The following ZNF283 variants were observed in gnomAD, a reference collection of about 807,000 sequenced individuals.
ZNF283 encodes zinc finger protein 283.
In ZNF283, 10 loss-of-function variants were observed where a neutral mutation model predicts 9.2. The observed-to-expected ratio is 1.09, with a 90% CI of 0.67 to 1.85. ZNF283 has a LOEUF of 1.85. Among genes scored for constraint, ZNF283 ranks in the 40% most tolerant of loss-of-function variants. The pLI is 0.00. For synonymous variants in ZNF283, 234 were observed against 244.1 expected, an observed-to-expected ratio of 0.96 and a Z score of 0.38; for missense variants, 631 against 760.1, an observed-to-expected ratio of 0.83 and a Z score of 2.00.
intron 5 of ZNF283, among the ~76,000 whole-genome samples, chr19:43,835,997 C>G (rs1023805356): frequency 6.6e-6 from 1 of 152,172 alleles, no homozygotes; most frequent in South Asian, 2.1e-4. Context: ...TATCAGTACT[C>G]TCTAACTCAG....
At position 43,848,392 on chromosome 19, in the gene ZNF283, G is replaced by T; in HGVS notation, c.1791G>T (p.Lys597Asn). Residue 597 changes from lysine (K) to asparagine (N), a missense_variant, in exon 7 of 7, where the codon AAG becomes AAT. By Grantham distance (94) the Lys-to-Asn change is moderately conservative. Coordinates refer to ENST00000618787, the MANE Select transcript of ZNF283 (RefSeq NM_181845.2). ...VKHERVHTNEKSYECKDCGKA... is the reference protein window; with the variant it reads ...VKHERVHTNENSYECKDCGKA... The stretch of plus-strand genomic sequence containing the variant: ...ATGAGAGAGTCCATACTAATGAGAA[G>T]TCTTATGAATGTAAAGACTGTGGGA... The T allele has an allele frequency of 6.2e-7, 1 of 1,613,542 alleles. No individual in the cohort carries two copies. The highest frequency in any genetic ancestry group is 8.5e-7 in the Non-Finnish European group (1 of 1,179,790).
chr19:43,845,723 T>G (rs188975705), intron 6 of ZNF283, among the ~76,000 whole-genome samples: 65 of 152,246 alleles, frequency 4.3e-4, no homozygotes, highest in Admixed American at 3.2e-3. Flanking sequence ...GTGGACAGTT[T>G]ACTCCAAGAT....
chr19:43,840,266 A>G (rs2356432), intron 6 of ZNF283, among the ~76,000 whole-genome samples: 61,544 of 151,986 alleles, frequency 0.4, 12,893 homozygotes, highest in South Asian at 0.55. Flanking sequence ...AAATCTTCCA[A>G]TAGATACTTC....
chr19:43,841,456 A>G (rs1328570936), intron 6 of ZNF283: 1 of 130,162 alleles, frequency 7.7e-6, no homozygotes, highest in Non-Finnish European at 1.6e-5. Context: ...TTTTTTTGAG[A>G]CAGTCTCACT....
intron 4 of ZNF283, among the ~76,000 whole-genome samples, chr19:43,834,741 G>A (rs1236671579): frequency 3.3e-5 from 5 of 151,884 alleles, no homozygotes; most frequent in South Asian, 2.1e-4. Context: ...GACTACAGGC[G>A]CCTGCCACCA....
intron 6 of ZNF283, 73 bp downstream of exon 6, chr19:43,837,252 G>C (rs1393468493): frequency 7.0e-7 from 1 of 1,426,326 alleles, no homozygotes; most frequent in Non-Finnish European, 9.4e-7. Flanking sequence ...GAAATTACAG[G>C]GCTATCTTTG....
At position 43,849,138 on chromosome 19, in the gene ZNF283, A is replaced by G. The variant is rs939179007; in HGVS notation, c.*497A>G. On this transcript the variant is annotated 3_prime_UTR_variant, in exon 7 of 7. Coordinates refer to ENST00000618787, the MANE Select transcript of ZNF283 (RefSeq NM_181845.2). ...AGAGAATTCATCCAAATGAGAAATC[A>G]TTTGAATTAGAATTATAGGAAGGCC... The G allele has an allele frequency of 5.9e-5, 9 of 152,566 alleles. No homozygotes were observed. The highest frequency in any genetic ancestry group is 2.2e-4 in the African/African-American group (9 of 41,582). 9.5% of individuals were successfully genotyped at this position (152,566 alleles called of 1,614,324 possible). A position where few individuals can be genotyped will look rare whatever the true frequency, so the allele number is the denominator to read the frequency against.
At chr19:43,834,551 T>C (rs139938114) in intron 4 of ZNF283, among the ~76,000 whole-genome samples, 1,611 of 151,164 alleles carry the variant, frequency 0.011, 15 homozygotes, top group Non-Finnish European at 0.016. Flanking sequence ...AGATAAATGT[T>C]ATTAATATAT....
intron 6 of ZNF283, among the ~76,000 whole-genome samples, chr19:43,843,265 C>T (rs368538725): frequency 5.9e-5 from 9 of 152,234 alleles, no homozygotes; most frequent in East Asian, 5.8e-4. Flanking sequence ...CGCTTGAACC[C>T]GAGAGGCGGA....
chr19:43,834,284 C>T (rs1036362615), intron 4 of ZNF283, among the ~76,000 whole-genome samples: 2 of 151,744 alleles, frequency 1.3e-5, no homozygotes, highest in African/African-American at 4.8e-5. Context: ...ATAAATAAAA[C>T]CTCCCCTCAA....
intron 2 of ZNF283, among the ~76,000 whole-genome samples, chr19:43,830,385 A>G (rs1283039545): frequency 6.6e-6 from 1 of 151,444 alleles, no homozygotes; most frequent in Non-Finnish European, 1.5e-5. Flanking sequence ...GCCTTACGAC[A>G]GGAAGTCTTA....
chr19:43,831,700 C>T (rs1274473257), intron 3 of ZNF283, among the ~76,000 whole-genome samples: 1 of 152,146 alleles, frequency 6.6e-6, no homozygotes, highest in South Asian at 2.1e-4. Flanking sequence ...GCAATGTCAG[C>T]TCACTGCAAC....
Position 43,847,779 on chromosome 19 carries a change from A to C in ZNF283, c.1178A>C (p.His393Pro). Residue 393 changes from histidine to proline, a missense_variant, in exon 7 of 7, where the codon CAT becomes CCT. His to Pro is a moderately conservative substitution (Grantham distance 77). Around this residue, in one of 3 missense-constraint regions of ZNF283, gnomAD observed 444 missense variants for 522.5 expected, o/e 0.85. Transcript: ENST00000618787. ...AFCWGYQLTR[H>P]QIFHTGEKPY... is the part of the protein sequence containing the mutation. ...TGTTGGGGCTATCAACTTACTCGAC[A>C]TCAGATATTTCATACTGGTGAGAAA... is the stretch of plus-strand genomic sequence containing the variant. 1.2e-6 allele frequency: 2 copies of C among 1,613,982 alleles called. No homozygotes were observed. Among genetic ancestry groups the C allele is most frequent in the Non-Finnish European group, 1.7e-6 (2 of 1,179,936 alleles).
At position 43,848,168 on chromosome 19, in the gene ZNF283, G is replaced by C. The variant is rs753770138; in HGVS notation, c.1567G>C (p.Ala523Pro). Reference sequence around the variant, plus strand: ...CTATGAATGTAAGGAATGTGGGAAGGCTTTTAATTGTGGATCAAGCCTTGT... The same window carrying C: ...CTATGAATGTAAGGAATGTGGGAAGCCTTTTAATTGTGGATCAAGCCTTGT... ...KPYECKECGKAFNCGSSLVQH... is the reference protein window; with the variant it reads ...KPYECKECGKPFNCGSSLVQH... Residue 523 changes from alanine to proline, a missense_variant, in exon 7 of 7, where the codon GCT becomes CCT. Ala to Pro is a conservative substitution (Grantham distance 27, BLOSUM62 -1). Coordinates refer to ENST00000618787, the MANE Select transcript of ZNF283 (RefSeq NM_181845.2). 5 of 1,613,826 alleles carry C rather than the reference G, an allele frequency of 3.1e-6. No homozygotes were observed. In the East Asian group the frequency reaches 8.9e-5, roughly 29 times the overall value.
At position 43,848,283 on chromosome 19, in the gene ZNF283, A is replaced by T; in HGVS notation, c.1682A>T (p.His561Leu). The part of the protein sequence containing the change: ...AFSRGYHLTQ[H>L]QKIHTGEKPF... ...AGTCGTGGCTATCACCTTACTCAAC[A>T]TCAGAAAATTCATACCGGTGAGAAA... The change falls in exon 7 of 7, where the codon CAT (histidine) becomes CTT (leucine). Residue 561 changes from histidine (H) to leucine (L), a missense_variant. Around this residue, in one of 3 missense-constraint regions of ZNF283, gnomAD observed 444 missense variants for 522.5 expected, o/e 0.85. Coordinates refer to ENST00000618787, the MANE Select transcript of ZNF283 (RefSeq NM_181845.2). The T allele has an allele frequency of 6.2e-7, 1 of 1,613,372 alleles. No individual in the cohort carries two copies.
At chr19:43,834,664 C>T (rs1354186308) in intron 4 of ZNF283, among the ~76,000 whole-genome samples, 6 of 152,032 alleles carry the variant, frequency 3.9e-5, no homozygotes, top group Admixed American at 6.6e-5. Flanking sequence ...AGCGCGATCT[C>T]GGCTCACTGC....
At chr19:43,829,255 G>A (rs1260154550) in intron 2 of ZNF283, among the ~76,000 whole-genome samples, 2 of 152,088 alleles carry the variant, frequency 1.3e-5, no homozygotes, top group African/African-American at 4.8e-5. Context: ...CGTAGTGGTA[G>A]GCGCCTGTAG....
Position 43,847,487 on chromosome 19 carries a change from T to A in ZNF283, c.886T>A (p.Cys296Ser), listed in dbSNP as rs1971450027. Residue 296 changes from cysteine to serine, a missense_variant, in exon 7 of 7, where the codon TGT (cysteine) becomes AGT (serine). By Grantham distance (112) the Cys-to-Ser change is moderately radical. Transcript: ENST00000618787. ...TGEKPYECKE[C>S]GKAFSRGYHL... ...TGAGAAACCCTATGAATGTAAAGAA[T>A]GTGGGAAGGCCTTTAGTCGTGGCTA... 1.2e-6 allele frequency: 2 copies of A among 1,613,162 alleles called. No homozygotes were observed. Among genetic ancestry groups the A allele is most frequent in the African/African-American group, 2.7e-5 (2 of 74,828 alleles).
intron 4 of ZNF283, among the ~76,000 whole-genome samples, chr19:43,835,279 CT>C (rs1434507882): frequency 6.6e-6 from 1 of 152,148 alleles, no homozygotes; most frequent in Non-Finnish European, 1.5e-5. Context: ...CTGGGCAGGA[CT>C]GAATTGTCGA....
Sources: gnomAD v4.1 joint callset for allele counts (sites outside exome capture counted in the v4.1 genomes callset) on GRCh38, gnomAD v4.1.1 for gene constraint, gnomAD v4.1.1 regional missense constraint, MANE v1.5 for transcripts, NCBI Gene and HGNC (gene_info 2026-07-23, HGNC 2026-07-21) for gene names.